The following SH3RF3 variants were observed in gnomAD, a reference collection of about 807,000 sequenced individuals.
SH3RF3 encodes the protein E3 ubiquitin-protein ligase SH3RF3.
SH3RF3 carries 29 observed loss-of-function variants against 66.3 expected under a neutral mutation model. The observed-to-expected ratio is 0.44, with a 90% CI of 0.33 to 0.60. The LOEUF (loss-of-function observed/expected upper bound fraction) is 0.60. Among genes scored for constraint, SH3RF3 ranks in the 20% least tolerant of loss-of-function variants. SH3RF3 has a pLI of 0.04. For synonymous variants in SH3RF3, 583 were observed against 532.0 expected (o/e 1.10, Z -1.32); for missense variants, 1,194 against 1,190.9 (o/e 1.00, Z -0.04).
At chr2:109,299,401 G>A (rs899082239) in intron 1 of SH3RF3, among the ~76,000 whole-genome samples, 22 of 149,800 alleles carry the variant, frequency 1.5e-4, no homozygotes, top group Non-Finnish European at 2.2e-4. Context: ...CAGGGTCCTT[G>A]ACACATCCTT....
chr2:109,240,767 G>A (rs1356408392), intron 1 of SH3RF3, among the ~76,000 whole-genome samples: 3 of 150,950 alleles, frequency 2.0e-5, no homozygotes, highest in South Asian at 2.1e-4. Context: ...TCCTCCTGTC[G>A]TCCTTCTCCT....
intron 1 of SH3RF3, among the ~76,000 whole-genome samples, chr2:109,211,345 C>T (rs957929810): frequency 6.6e-6 from 1 of 152,324 alleles, no homozygotes; most frequent in Non-Finnish European, 1.5e-5. Flanking sequence ...CTGGAGGCAA[C>T]AGTAAACAGC....
intron 1 of SH3RF3, among the ~76,000 whole-genome samples, chr2:109,235,184 G>C (rs1237854504): frequency 6.6e-6 from 1 of 152,150 alleles, no homozygotes; most frequent in Non-Finnish European, 1.5e-5. Flanking sequence ...AGAGCGGGAG[G>C]AACCTGTCTT....
At position 109,173,762 on chromosome 2, in the gene SH3RF3, C is replaced by T. The variant is rs556055174; in HGVS notation, c.573+43649C>T. On this transcript the variant is annotated intron_variant, in intron 1 of 9. Coordinates refer to ENST00000309415, the MANE Select transcript of SH3RF3 (RefSeq NM_001099289.3). ...GGGACCAGGGACTGTGGTAGCCTGC[C>T]TGTGGTGTGTGCTGTGAGCTCAGTG... 3.9e-5 allele frequency among the ~76,000 whole-genome samples: 6 copies of T among 152,260 alleles called. No individual in the cohort carries two copies. In the South Asian group the frequency reaches 1.0e-3, roughly 26 times the overall value.
At position 109,493,967 on chromosome 2, in the gene SH3RF3, C is replaced by T. The variant is rs547285014; in HGVS notation, c.2480+3031C>T. Among the ~76,000 whole-genome samples the T allele has an allele frequency of 2.6e-5, 4 of 152,316 alleles. No individual in the cohort carries two copies. The East Asian group carries it at 7.7e-4, about 29-fold the overall frequency. ...GAGTCTCCTCCGCATCAGAACCTCC[C>T]TTCATGGGACCAACACCTGCTGCCT... is the stretch of plus-strand genomic sequence containing the variant. On this transcript the variant is annotated intron_variant, in intron 9 of 9. Transcript: ENST00000309415.
chr2:109,409,155 G>A (rs867299947), intron 4 of SH3RF3, among the ~76,000 whole-genome samples: 3 of 152,164 alleles, frequency 2.0e-5, no homozygotes, highest in South Asian at 2.1e-4. Context: ...ATTCGCCTTA[G>A]TAATATTGTG....
intron 4 of SH3RF3, among the ~76,000 whole-genome samples, chr2:109,402,167 C>G (rs72945307): frequency 6.6e-6 from 1 of 152,222 alleles, no homozygotes; most frequent in Non-Finnish European, 1.5e-5. Context: ...ACCAAGCCCT[C>G]CCGGTCTGCC....
chr2:109,495,786 T>G (rs1679244077), intron 9 of SH3RF3, among the ~76,000 whole-genome samples: 1 of 152,236 alleles, frequency 6.6e-6, no homozygotes, highest in Admixed American at 6.5e-5. Context: ...CCACTGCACC[T>G]GGCCCCCTTT....
chr2:109,454,511 C>G (rs577139454), intron 8 of SH3RF3, among the ~76,000 whole-genome samples: 1 of 152,224 alleles, frequency 6.6e-6, no homozygotes, highest in Non-Finnish European at 1.5e-5. Flanking sequence ...CAAGTCCACA[C>G]GGTGAGAGCG....
intron 8 of SH3RF3, among the ~76,000 whole-genome samples, chr2:109,489,702 G>A (rs1679076397): frequency 7.0e-6 from 1 of 141,850 alleles, no homozygotes; most frequent in African/African-American, 2.6e-5. Flanking sequence ...GATTTTGGAA[G>A]AGAAAGGAAA....
intron 4 of SH3RF3, among the ~76,000 whole-genome samples, chr2:109,412,730 G>A (rs565874117): frequency 6.6e-6 from 1 of 152,152 alleles, no homozygotes; most frequent in Non-Finnish European, 1.5e-5. Context: ...AATGTTTCAG[G>A]AAACCATTGT....
At chr2:109,444,925 A>G (rs557926436) in intron 7 of SH3RF3, among the ~76,000 whole-genome samples, 11 of 152,234 alleles carry the variant, frequency 7.2e-5, no homozygotes, top group Non-Finnish European at 1.5e-4. Flanking sequence ...GGAATAACAT[A>G]TACACACACA....
intron 2 of SH3RF3, among the ~76,000 whole-genome samples, chr2:109,367,486 C>T (rs1318768483): frequency 4.6e-5 from 7 of 151,010 alleles, no homozygotes; most frequent in Admixed American, 4.0e-4. Flanking sequence ...TTCACCATGT[C>T]GGCCAGGCTA....
intron 4 of SH3RF3, among the ~76,000 whole-genome samples, chr2:109,416,086 C>T (rs1004715213): frequency 6.6e-6 from 1 of 152,198 alleles, no homozygotes; most frequent in Non-Finnish European, 1.5e-5. Flanking sequence ...CATCGCACTT[C>T]TCAGTCTCCA....
intron 1 of SH3RF3, among the ~76,000 whole-genome samples, chr2:109,169,350 C>CA (rs11384771): frequency 0.82 from 124,951 of 152,020 alleles, 51,487 homozygotes; most frequent in East Asian, 0.89. Flanking sequence ...CTGAGCCCAC[C>CA]AAGTTTCAGG....
intron 4 of SH3RF3, among the ~76,000 whole-genome samples, chr2:109,400,798 A>G (rs1479048922): frequency 2.0e-5 from 3 of 152,202 alleles, no homozygotes; most frequent in Admixed American, 6.5e-5. Context: ...CCGTGCAGTC[A>G]TCTGCCCCCA....
chr2:109,129,750 G>A lies in SH3RF3; in HGVS notation c.210G>A (p.Val70=). ...CLERLDTTAK[V]LPCQHTFCRR... ...AGCGCCTGGACACCACGGCCAAGGTGCTGCCATGCCAACACACTTTCTGCC... is the reference window on the plus strand; with the variant it reads ...AGCGCCTGGACACCACGGCCAAGGTACTGCCATGCCAACACACTTTCTGCC... The change falls in exon 1 of 10, where the codon GTG becomes GTA. Residue 70 remains valine, a synonymous_variant. Transcript: ENST00000309415. 6.5e-7 allele frequency: 1 copy of A among 1,539,866 alleles called. No homozygotes were observed. Among genetic ancestry groups the A allele is most frequent in the East Asian group, 2.5e-5 (1 of 40,672 alleles).
chr2:109,478,454 G>A (rs1372399253), intron 8 of SH3RF3, among the ~76,000 whole-genome samples: 2 of 152,132 alleles, frequency 1.3e-5, no homozygotes, highest in Non-Finnish European at 2.9e-5. Context: ...TAAGACCTGC[G>A]ATTTGGTTTG....
intron 2 of SH3RF3, among the ~76,000 whole-genome samples, chr2:109,370,162 C>T (rs1683236453): frequency 6.6e-6 from 1 of 151,900 alleles, no homozygotes; most frequent in Non-Finnish European, 1.5e-5. Flanking sequence ...TGGAGTGGCA[C>T]CCGTCTTGCC....
Sources: allele counts gnomAD v4.1 joint callset (sites outside exome capture counted in the v4.1 genomes callset), GRCh38; gene constraint gnomAD v4.1.1; transcripts MANE v1.5; gene names NCBI Gene and HGNC (gene_info 2026-07-23, HGNC 2026-07-21).